Variants in ANO6 observed in about 807,000 individuals in gnomAD.
ANO6 encodes anoctamin 6.
A neutral mutation model predicts 117.5 loss-of-function variants in ANO6; 106 were observed. The observed-to-expected ratio is 0.90, with a 90% CI of 0.77 to 1.06. The LOEUF (loss-of-function observed/expected upper bound fraction) is 1.06, where lower values mean the gene tolerates loss of function less well. Ranked by LOEUF, ANO6 falls within the 50% of genes least tolerant of loss-of-function variation. The pLI is 0.00. For missense variants in ANO6, 955 were observed against 1,121.1 expected, an observed-to-expected ratio of 0.85 and a Z score of 2.12; for synonymous variants, 367 against 385.1, an observed-to-expected ratio of 0.95 and a Z score of 0.55.
intron 10 of ANO6, among the ~76,000 whole-genome samples, chr12:45,381,421 G>A (rs897825751): frequency 1.3e-5 from 2 of 152,164 alleles, no homozygotes; most frequent in Non-Finnish European, 2.9e-5. Flanking sequence ...GGGGGAGAGA[G>A]CAAAAGATAC....
At chr12:45,294,190 C>T (rs1449812076) in intron 1 of ANO6, among the ~76,000 whole-genome samples, 1 of 152,064 alleles carries the variant, frequency 6.6e-6, no homozygotes, top group Non-Finnish European at 1.5e-5. Flanking sequence ...AGAATGGCTC[C>T]CGCTTTTGGA....
At chr12:45,379,327 A>G (rs1378050798) in intron 10 of ANO6, among the ~76,000 whole-genome samples, 1 of 152,184 alleles carries the variant, frequency 6.6e-6, no homozygotes, top group Non-Finnish European at 1.5e-5. Flanking sequence ...CACTTTTTAG[A>G]GATATTTGTT....
chr12:45,367,887 T>C (rs1941727030), intron 9 of ANO6, 94 bp downstream of exon 9: 3 of 937,148 alleles, frequency 3.2e-6, no homozygotes, highest in Middle Eastern at 4.4e-4. Context: ...TTTTTTCCTC[T>C]GAGGAATTAA....
rs762339910 is a variant in ANO6, at chr12:45,304,586, G to A, written c.150+2493G>A. On this transcript the variant is annotated intron_variant, in intron 2 of 19. Transcript: ENST00000320560. ...AGCAAAGCCTAGTTCATGTTTACTCGGGCCTTATCCTCAAATAGTTCAGAT... is the reference window on the plus strand; with the variant it reads ...AGCAAAGCCTAGTTCATGTTTACTCAGGCCTTATCCTCAAATAGTTCAGAT... Among the ~76,000 whole-genome samples the A allele has an allele frequency of 5.3e-5, 8 of 152,248 alleles. No individual in the cohort carries two copies. In the East Asian group the frequency reaches 1.2e-3, roughly 22 times the overall value.
chr12:45,289,750 C>G (rs1262414894), intron 1 of ANO6, among the ~76,000 whole-genome samples: 1 of 151,886 alleles, frequency 6.6e-6, no homozygotes, highest in Non-Finnish European at 1.5e-5. Flanking sequence ...GAAATGAGAC[C>G]CTATGGGGTC....
At chr12:45,318,813 G>A (rs1271306798) in intron 2 of ANO6, among the ~76,000 whole-genome samples, 1 of 152,146 alleles carries the variant, frequency 6.6e-6, no homozygotes, top group Non-Finnish European at 1.5e-5. Context: ...GCAGTGGTTT[G>A]TAGTTCTCCT....
At chr12:45,390,621 C>T in intron 12 of ANO6, 123 bp downstream of exon 12, 1 of 861,568 alleles carries the variant, frequency 1.2e-6, no homozygotes, top group Non-Finnish European at 1.9e-6. Context: ...TATATGGTCT[C>T]AGAGAGACAG....
chr12:45,230,653 A>G (rs149672159), intron 1 of ANO6, among the ~76,000 whole-genome samples: 225 of 152,104 alleles, frequency 1.5e-3, no homozygotes, highest in East Asian at 0.01. Context: ...AAGGTTCATA[A>G]TAGAATCAGA....
At chr12:45,412,994 G>C (rs1943124440) in intron 16 of ANO6, among the ~76,000 whole-genome samples, 1 of 152,210 alleles carries the variant, frequency 6.6e-6, no homozygotes, top group African/African-American at 2.4e-5. Context: ...AATGGCAAGT[G>C]AACAAAGGAC....
At chr12:45,348,445 AC>A (rs1178248419) in intron 5 of ANO6, 72 bp from the exon 6 acceptor site, 1 of 1,532,930 alleles carries the variant, frequency 6.5e-7, no homozygotes, top group Non-Finnish European at 9.0e-7. Flanking sequence ...GATTTGTGTT[AC>A]AGTAGTAAAC....
intron 1 of ANO6, among the ~76,000 whole-genome samples, chr12:45,257,482 A>G (rs1422486383): frequency 1.3e-5 from 2 of 152,076 alleles, no homozygotes; most frequent in African/African-American, 4.8e-5. Context: ...CCACACCACA[A>G]GTTGCATCCC....
At chr12:45,314,708 T>C (rs1379944431) in intron 2 of ANO6, among the ~76,000 whole-genome samples, 2 of 152,010 alleles carry the variant, frequency 1.3e-5, no homozygotes, top group Non-Finnish European at 2.9e-5. Flanking sequence ...ACCAGGTCTT[T>C]TGACTGACGT....
intron 1 of ANO6, among the ~76,000 whole-genome samples, chr12:45,234,166 T>G (rs747392348): frequency 9.9e-5 from 15 of 152,230 alleles, no homozygotes; most frequent in Non-Finnish European, 2.1e-4. Context: ...TGTTCTTAAG[T>G]TGGAAGAGAA....
intron 1 of ANO6, among the ~76,000 whole-genome samples, chr12:45,262,484 C>G (rs985946724): frequency 6.6e-6 from 1 of 151,514 alleles, no homozygotes; most frequent in Non-Finnish European, 1.5e-5. Context: ...AGTGCAATGG[C>G]GCGATCTCTG....
rs1183387054 is a variant in ANO6, at chr12:45,371,172, C to G, written c.1104+3379C>G. ...TCTGACGGGCTTAAAAAACGGCGCA[C>G]CACAAGATTATATCCCGCACCTGGC... On this transcript the variant is annotated intron_variant, in intron 9 of 19. Coordinates refer to ENST00000320560, the MANE Select transcript of ANO6 (RefSeq NM_001025356.3). Among the ~76,000 whole-genome samples the G allele has an allele frequency of 2.0e-5, 3 of 152,204 alleles. No homozygotes were observed. The South Asian group carries it at 6.2e-4, about 32-fold the overall frequency.
chr12:45,317,113 G>GTGTGTTTATATATATATATATA, intron 2 of ANO6, among the ~76,000 whole-genome samples: 1 of 66,448 alleles, frequency 1.5e-5, no homozygotes, highest in Non-Finnish European at 3.7e-5. Flanking sequence ...CTTTTTATAT[G>GTGTGTTTATATATATATATATA]TATATATATA....
intron 1 of ANO6, among the ~76,000 whole-genome samples, chr12:45,220,543 G>A (rs1456663808): frequency 6.6e-6 from 1 of 152,140 alleles, no homozygotes; most frequent in Non-Finnish European, 1.5e-5. Flanking sequence ...TCAGGATTAG[G>A]TGCTGGGTCA....
At chr12:45,312,817 G>A (rs957952449) in intron 2 of ANO6, among the ~76,000 whole-genome samples, 2 of 151,972 alleles carry the variant, frequency 1.3e-5, no homozygotes, top group Admixed American at 1.3e-4. Flanking sequence ...TCCATTAATT[G>A]TAATGGGCAA....
At chr12:45,348,438 T>C (rs1592997458) in intron 5 of ANO6, 80 bp from the exon 6 acceptor site, 2 of 1,549,426 alleles carry the variant, frequency 1.3e-6, no homozygotes, top group East Asian at 2.3e-5. Flanking sequence ...GCCAGCAGAT[T>C]TGTGTTACAG....
Sources: allele counts gnomAD v4.1 joint callset (sites outside exome capture counted in the v4.1 genomes callset), GRCh38; gene constraint gnomAD v4.1.1; transcripts MANE v1.5; gene names NCBI Gene and HGNC (gene_info 2026-07-23, HGNC 2026-07-21).